The following TTBK2 variants were observed in gnomAD, a reference collection of about 807,000 sequenced individuals.
The protein encoded by TTBK2 is tau-tubulin kinase 2.
Under a neutral mutation model 110.8 loss-of-function variants are expected in TTBK2, and 28 were observed. The ratio of observed to expected loss-of-function variants is 0.25; its 90% CI spans 0.19 to 0.35. The LOEUF is 0.35. Among genes scored for constraint, TTBK2 ranks in the 10% least tolerant of loss-of-function variants. The pLI is 1.00. For synonymous variants in TTBK2, 532 were observed against 527.3 expected, an observed-to-expected ratio of 1.01 and a Z score of -0.12; for missense variants, 1,369 against 1,500.3, an observed-to-expected ratio of 0.91 and a Z score of 1.45.
At chr15:42,811,043 T>G (rs1472636135) in intron 8 of TTBK2, among the ~76,000 whole-genome samples, 3 of 152,202 alleles carry the variant, frequency 2.0e-5, no homozygotes, top group Non-Finnish European at 2.9e-5. Context: ...CAGGCTGAAG[T>G]GCAATGGCAT....
intron 3 of TTBK2, among the ~76,000 whole-genome samples, chr15:42,844,710 G>A (rs926140010): frequency 1.1e-4 from 17 of 152,180 alleles, no homozygotes; most frequent in Admixed American, 7.2e-4. Flanking sequence ...TAGAGGCCTA[G>A]GGAGGTTACT....
At chr15:42,763,722 C>G (rs1170661474) in intron 13 of TTBK2, among the ~76,000 whole-genome samples, 2 of 152,120 alleles carry the variant, frequency 1.3e-5, no homozygotes, top group African/African-American at 2.4e-5. Flanking sequence ...TACATGGTAT[C>G]TTCCACTTTG....
intron 13 of TTBK2, among the ~76,000 whole-genome samples, chr15:42,771,092 A>G (rs529371257): frequency 6.6e-6 from 1 of 151,154 alleles, no homozygotes; most frequent in South Asian, 2.1e-4. Flanking sequence ...TCTCTGCCTC[A>G]GCCTCCGGAG....
At chr15:42,797,530 T>C (rs1013224150) in intron 9 of TTBK2, among the ~76,000 whole-genome samples, 38 of 152,212 alleles carry the variant, frequency 2.5e-4, no homozygotes, top group African/African-American at 8.9e-4. Flanking sequence ...TCTGCAGATA[T>C]TTTAGAGAAA....
intron 2 of TTBK2, among the ~76,000 whole-genome samples, chr15:42,876,005 T>C (rs1419623668): frequency 1.4e-5 from 2 of 140,492 alleles, no homozygotes; most frequent in Admixed American, 7.2e-5. Flanking sequence ...GGGTTGGGGG[T>C]TGGGGGTGAA....
intron 3 of TTBK2, among the ~76,000 whole-genome samples, chr15:42,872,098 G>C (rs370338508): frequency 1.1e-4 from 17 of 152,158 alleles, no homozygotes; most frequent in African/African-American, 3.1e-4. Flanking sequence ...GTAGTAAAAC[G>C]GACTTCAAAA....
intron 9 of TTBK2, chr15:42,800,235 T>C (rs1244422628): frequency 2.4e-5 from 10 of 419,884 alleles, no homozygotes; most frequent in South Asian, 1.6e-4. Context: ...CTAGAAAAAA[T>C]TAACCAACAA....
chr15:42,892,671 C>A (rs1279453472), intron 1 of TTBK2, among the ~76,000 whole-genome samples: 1 of 132,540 alleles, frequency 7.5e-6, no homozygotes, highest in Non-Finnish European at 1.6e-5. Flanking sequence ...TAAGACTGCA[C>A]TCTAGCCTGG....
intron 13 of TTBK2, among the ~76,000 whole-genome samples, chr15:42,755,500 C>A (rs2061933726): frequency 6.7e-6 from 1 of 150,302 alleles, no homozygotes; most frequent in South Asian, 2.1e-4. Context: ...TAAGTCCAGC[C>A]CAGGAAAAAA....
intron 3 of TTBK2, among the ~76,000 whole-genome samples, chr15:42,844,668 T>G (rs1272290810): frequency 1.3e-5 from 2 of 152,206 alleles, no homozygotes; most frequent in Non-Finnish European, 2.9e-5. Context: ...AATGTAAGTA[T>G]TATTATATTC....
intron 3 of TTBK2, among the ~76,000 whole-genome samples, chr15:42,860,150 AAG>A (rs1034719826): frequency 6.6e-6 from 1 of 152,134 alleles, no homozygotes; most frequent in African/African-American, 2.4e-5. Context: ...CCAGAAAGGA[AAG>A]AGAGAAAGGA....
intron 3 of TTBK2, among the ~76,000 whole-genome samples, chr15:42,850,314 A>AT (rs1204189065): frequency 6.6e-6 from 1 of 152,192 alleles, no homozygotes; most frequent in African/African-American, 2.4e-5. Context: ...TTTTCTGTCC[A>AT]TGTCAATGCT....
At chr15:42,763,186 A>G (rs1221642883) in intron 13 of TTBK2, among the ~76,000 whole-genome samples, 2 of 24,372 alleles carry the variant, frequency 8.2e-5, no homozygotes, top group Non-Finnish European at 1.3e-4. Context: ...ATATATATAT[A>G]TATATATTTT....
At chr15:42,845,437 G>A (rs1170726089) in intron 3 of TTBK2, among the ~76,000 whole-genome samples, 5 of 151,708 alleles carry the variant, frequency 3.3e-5, no homozygotes, top group African/African-American at 1.2e-4. Context: ...AGGCCGAGGT[G>A]GGTGGATCAC....
At chr15:42,861,957 C>G (rs1894174389) in intron 3 of TTBK2, among the ~76,000 whole-genome samples, 1 of 152,290 alleles carries the variant, frequency 6.6e-6, no homozygotes, top group African/African-American at 2.4e-5. Context: ...ATTATGAACA[C>G]CTCTAAGCAC....
intron 3 of TTBK2, among the ~76,000 whole-genome samples, chr15:42,865,117 T>TA (rs1567066737): frequency 2.0e-5 from 3 of 152,132 alleles, no homozygotes; most frequent in African/African-American, 7.2e-5. Context: ...GGGCAATCAC[T>TA]AAAAAAAGTA....
intron 13 of TTBK2, among the ~76,000 whole-genome samples, chr15:42,755,160 C>T (rs889178556): frequency 3.3e-5 from 5 of 151,890 alleles, no homozygotes; most frequent in Non-Finnish European, 2.9e-5. Context: ...ATTATTTTCA[C>T]GTCACCTAAA....
intron 3 of TTBK2, among the ~76,000 whole-genome samples, chr15:42,865,983 C>T (rs1267359545): frequency 6.6e-6 from 1 of 151,944 alleles, no homozygotes; most frequent in African/African-American, 2.4e-5. Context: ...AAAACAAAAC[C>T]CAATTGTATG....
At chr15:42,874,206 A>G (rs998432798) in intron 2 of TTBK2, among the ~76,000 whole-genome samples, 1 of 152,110 alleles carries the variant, frequency 6.6e-6, no homozygotes, top group African/African-American at 2.4e-5. Flanking sequence ...GTTCTATTCT[A>G]TTTCCTTGTG....
Sources: gnomAD v4.1 joint callset for allele counts (sites outside exome capture counted in the v4.1 genomes callset) on GRCh38, gnomAD v4.1.1 for gene constraint, MANE v1.5 for transcripts, NCBI Gene and HGNC (gene_info 2026-07-23, HGNC 2026-07-21) for gene names.